RABGAP1L: variants seen among roughly 807,000 people sequenced by gnomAD.
RABGAP1L encodes rab GTPase-activating protein 1-like.
RABGAP1L carries 63 observed loss-of-function variants against 137.7 expected under a neutral mutation model. The ratio of observed to expected loss-of-function variants is 0.46; its 90% confidence interval spans 0.37 to 0.56. The LOEUF (loss-of-function observed/expected upper bound fraction) is 0.56, where lower values mean the gene tolerates loss of function less well. RABGAP1L is among the 20% of genes least tolerant of loss of function. RABGAP1L has a pLI of 0.00. For synonymous variants in RABGAP1L, 431 were observed against 433.7 expected (o/e 0.99, Z 0.08); for missense variants, 1,095 against 1,244.0 (o/e 0.88, Z 1.80).
At chr1:174,624,932 G>A (rs548379652) in intron 13 of RABGAP1L, among the ~76,000 whole-genome samples, 66 of 148,488 alleles carry the variant, frequency 4.4e-4, no homozygotes, top group African/African-American at 7.2e-4. Context: ...GTGCAGTGGC[G>A]CAGTCTTGGT....
intron 19 of RABGAP1L, among the ~76,000 whole-genome samples, chr1:174,921,594 T>G (rs1661819742): frequency 6.6e-6 from 1 of 152,202 alleles, no homozygotes; most frequent in African/African-American, 2.4e-5. Flanking sequence ...TCTGCAAAGA[T>G]CAAGATTAAT....
rs76469361 is a variant in RABGAP1L at position 174,917,366 on chromosome 1, T to G, written c.2341-40091T>G. On this transcript the variant is annotated intron_variant, in intron 19 of 25. Coordinates refer to ENST00000681986, the MANE Select transcript of RABGAP1L (RefSeq NM_001366446.1). The stretch of plus-strand genomic sequence containing the variant: ...TGTATACATCAGAATATATAATGTA[T>G]GTATGTGTTGATATTATGTATACAT... Among the ~76,000 whole-genome samples the G allele has an allele frequency of 3.0e-3, 455 of 152,348 alleles. 3 individuals are homozygous for G. The highest frequency in any genetic ancestry group is 0.01 in the African/African-American group (435 of 41,576).
intron 11 of RABGAP1L, among the ~76,000 whole-genome samples, chr1:174,343,302 C>T (rs931066756): frequency 6.6e-6 from 1 of 152,226 alleles, no homozygotes; most frequent in Non-Finnish European, 1.5e-5. Context: ...AACACAAACA[C>T]ATATCTGGAA....
At chr1:174,170,888 T>C (rs1166310445) in intron 1 of RABGAP1L, among the ~76,000 whole-genome samples, 2 of 152,202 alleles carry the variant, frequency 1.3e-5, no homozygotes, top group Non-Finnish European at 2.9e-5. Flanking sequence ...TTCATTTTAT[T>C]GGATAATATT....
At chr1:174,576,940 T>G (rs753491463) in intron 13 of RABGAP1L, among the ~76,000 whole-genome samples, 1 of 152,114 alleles carries the variant, frequency 6.6e-6, no homozygotes, top group Non-Finnish European at 1.5e-5. Context: ...CCCAGTGTTT[T>G]AGGAGGCTGA....
chr1:174,255,513 T>G (rs1673048668), intron 7 of RABGAP1L, among the ~76,000 whole-genome samples: 2 of 152,166 alleles, frequency 1.3e-5, no homozygotes, highest in Admixed American at 6.6e-5. Flanking sequence ...ACATTTTACC[T>G]AATTTGCTTT....
chr1:174,180,211 G>A (rs1666235536), intron 1 of RABGAP1L, among the ~76,000 whole-genome samples: 1 of 152,128 alleles, frequency 6.6e-6, no homozygotes, highest in Non-Finnish European at 1.5e-5. Flanking sequence ...ATTTGGAGTG[G>A]CAGAGAACTA....
intron 13 of RABGAP1L, among the ~76,000 whole-genome samples, chr1:174,440,604 C>T (rs1170877080): frequency 6.6e-6 from 1 of 152,158 alleles, no homozygotes; most frequent in African/African-American, 2.4e-5. Flanking sequence ...GAGACAGTCT[C>T]ACTCTGTTGC....
At chr1:174,263,425 A>G (rs1232801594) in intron 7 of RABGAP1L, among the ~76,000 whole-genome samples, 2 of 152,234 alleles carry the variant, frequency 1.3e-5, no homozygotes, top group Non-Finnish European at 2.9e-5. Flanking sequence ...TCTTTATAGT[A>G]AATTTTCCCT....
intron 13 of RABGAP1L, among the ~76,000 whole-genome samples, chr1:174,572,271 T>G (rs1668038312): frequency 6.6e-6 from 1 of 152,232 alleles, no homozygotes; most frequent in Non-Finnish European, 1.5e-5. Flanking sequence ...GAAGACTAAA[T>G]GAAGTAATGT....
At chr1:174,432,194 A>G (rs1652718353) in intron 13 of RABGAP1L, among the ~76,000 whole-genome samples, 1 of 152,158 alleles carries the variant, frequency 6.6e-6, no homozygotes. Context: ...TCCTACTTAC[A>G]AGTGAGAACA....
intron 19 of RABGAP1L, among the ~76,000 whole-genome samples, chr1:174,909,675 A>G (rs1659739079): frequency 6.6e-6 from 1 of 152,252 alleles, no homozygotes; most frequent in Non-Finnish European, 1.5e-5. Flanking sequence ...AAGACCCAAT[A>G]AAATCAGAAA....
intron 10 of RABGAP1L, among the ~76,000 whole-genome samples, chr1:174,295,470 T>G (rs564124347): frequency 6.6e-6 from 1 of 151,810 alleles, no homozygotes; most frequent in South Asian, 2.1e-4. Context: ...CGCAACCTCC[T>G]CCTCATGGGT....
At chr1:174,372,062 C>T (rs2149002801) in intron 12 of RABGAP1L, among the ~76,000 whole-genome samples, 1 of 152,252 alleles carries the variant, frequency 6.6e-6, no homozygotes, top group East Asian at 1.9e-4. Flanking sequence ...CCAGCTGCTT[C>T]TCCTTTTTAA....
intron 13 of RABGAP1L, among the ~76,000 whole-genome samples, chr1:174,447,336 T>A (rs1654879008): frequency 6.6e-6 from 1 of 152,190 alleles, no homozygotes; most frequent in African/African-American, 2.4e-5. Context: ...TCATGAGAGT[T>A]ATAGGGCAAT....
intron 13 of RABGAP1L, among the ~76,000 whole-genome samples, chr1:174,427,144 A>ATGTGTGTG (rs57986877): frequency 8.7e-4 from 126 of 144,682 alleles, no homozygotes; most frequent in African/African-American, 2.8e-3. Context: ...CCGCATGTTT[A>ATGTGTGTG]TGTGTGTGTG....
rs139354031 is a variant in RABGAP1L at position 174,579,016 on chromosome 1, G to A, written c.1711-58359G>A. Among the ~76,000 whole-genome samples the A allele has an allele frequency of 1.3e-4, 20 of 152,084 alleles. No individual in the cohort carries two copies. In the East Asian group the frequency reaches 2.1e-3, roughly 16 times the overall value. ...CATATAGAACACAGTCATTTAAGTC[G>A]CTCAAATTTCTAGAAATAAAATATG... On this transcript the variant is annotated intron_variant, in intron 13 of 25. Coordinates refer to ENST00000681986, the MANE Select transcript of RABGAP1L (RefSeq NM_001366446.1).
chr1:174,955,042 C>T (rs956474135), intron 19 of RABGAP1L, among the ~76,000 whole-genome samples: 2 of 152,138 alleles, frequency 1.3e-5, no homozygotes, highest in African/African-American at 2.4e-5. Flanking sequence ...GTATATTTCC[C>T]TTGTTTATCT....
intron 10 of RABGAP1L, among the ~76,000 whole-genome samples, chr1:174,284,406 G>A (rs1675868864): frequency 6.6e-6 from 1 of 152,066 alleles, no homozygotes; most frequent in Non-Finnish European, 1.5e-5. Flanking sequence ...CCATGTTACT[G>A]CAAATGGCAG....
Sources: gnomAD v4.1 joint callset for allele counts (sites outside exome capture counted in the v4.1 genomes callset) on GRCh38, gnomAD v4.1.1 for gene constraint, MANE v1.5 for transcripts, NCBI Gene and HGNC (gene_info 2026-07-23, HGNC 2026-07-21) for gene names.